The following FARS2 variants were observed in gnomAD, a reference collection of about 807,000 sequenced individuals.
The protein encoded by FARS2 is phenylalanine--tRNA ligase, mitochondrial.
Under a neutral mutation model 46.4 loss-of-function variants are expected in FARS2, and 40 were observed. That is an observed-to-expected ratio of 0.86 (90% CI 0.67 to 1.12). FARS2 has a LOEUF of 1.12. FARS2 is among the 50% of genes most tolerant of loss of function. The pLI is 0.00. For synonymous variants in FARS2, 234 were observed against 214.9 expected, an observed-to-expected ratio of 1.09 and a Z score of -0.78; for missense variants, 513 against 567.9, an observed-to-expected ratio of 0.90 and a Z score of 0.98.
chr6:5,549,991 C>G lies in FARS2; in HGVS notation c.1065+4651C>G, dbSNP rs141201298. On this transcript the variant is annotated intron_variant, in intron 5 of 6. Coordinates refer to ENST00000274680, the MANE Select transcript of FARS2 (RefSeq NM_006567.5). ...AATTATCTAAAGCTGGTTTATGTGACACTCTGGGTATGATTCATCCTGGGG... is the reference window on the plus strand; with the variant it reads ...AATTATCTAAAGCTGGTTTATGTGAGACTCTGGGTATGATTCATCCTGGGG... Among the ~76,000 whole-genome samples the G allele has an allele frequency of 7.7e-3, 1,167 of 152,274 alleles. 13 individuals carry two copies. The highest frequency in any genetic ancestry group is 0.027 in the Middle Eastern group (8 of 294).
chr6:5,404,465 T>A (rs1037933740), intron 2 of FARS2, 77 bp from the exon 3 acceptor site: 2 of 969,990 alleles, frequency 2.1e-6, no homozygotes, highest in African/African-American at 3.3e-5. Context: ...CAAAAGATTC[T>A]TAGCAGAATT....
intron 6 of FARS2, among the ~76,000 whole-genome samples, chr6:5,698,303 G>A (rs1468551713): frequency 6.6e-6 from 1 of 152,168 alleles, no homozygotes; most frequent in Non-Finnish European, 1.5e-5. Context: ...AGGGGCTGCA[G>A]GCACGTCACA....
chr6:5,433,883 T>C (rs919319547), intron 4 of FARS2, among the ~76,000 whole-genome samples: 2 of 152,218 alleles, frequency 1.3e-5, no homozygotes, highest in Non-Finnish European at 2.9e-5. Flanking sequence ...TTATGAGGTT[T>C]ATTCACACAG....
chr6:5,545,100 C>T lies in FARS2; in HGVS notation c.905-80C>T. ...GCTGGTAGGCATCTAATTAGTGTCA[C>T]TGATAACTGTCAGGGAGTGGTATGA... On this transcript the variant is annotated intron_variant, in intron 4 of 6. Coordinates refer to ENST00000274680, the MANE Select transcript of FARS2 (RefSeq NM_006567.5). 4.3e-6 allele frequency: 6 copies of T among 1,381,894 alleles called. No individual in the cohort carries two copies. In the South Asian group the frequency reaches 6.5e-5, roughly 15 times the overall value. 85.6% of individuals were successfully genotyped at this position (1,381,894 alleles called of 1,614,324 possible). A position where few individuals can be genotyped will look rare whatever the true frequency, so the allele number is the denominator to read the frequency against.
rs1582758786 is a variant in FARS2, at chr6:5,686,200, C to A, written c.1217+72880C>A. On this transcript the variant is annotated intron_variant, in intron 6 of 6. Coordinates refer to ENST00000274680, the MANE Select transcript of FARS2 (RefSeq NM_006567.5). ...TGATAACAGTCTTTCTTTCTATGAA[C>A]TTTTTTTAATTATTATTATACTTTA... 2.3e-5 allele frequency among the ~76,000 whole-genome samples: 3 copies of A among 127,742 alleles called. No individual in the cohort carries two copies. The East Asian group carries it at 6.2e-4, about 26-fold the overall frequency. The allele number at this position is 127,742 out of a possible 152,430, so 83.8% of individuals were successfully genotyped here.
At chr6:5,707,850 G>A (rs1442876019) in intron 6 of FARS2, among the ~76,000 whole-genome samples, 1 of 152,218 alleles carries the variant, frequency 6.6e-6, no homozygotes, top group Non-Finnish European at 1.5e-5. Flanking sequence ...CCTGCCATCG[G>A]GGCCTCACAG....
At chr6:5,688,507 C>A (rs1392029181) in intron 6 of FARS2, among the ~76,000 whole-genome samples, 2 of 152,018 alleles carry the variant, frequency 1.3e-5, no homozygotes, top group Non-Finnish European at 2.9e-5. Context: ...TTACGTTTAT[C>A]GATTTGCGTA....
intron 6 of FARS2, among the ~76,000 whole-genome samples, chr6:5,619,073 G>A (rs548185261): frequency 1.1e-4 from 16 of 152,298 alleles, no homozygotes; most frequent in African/African-American, 3.9e-4. Context: ...GCAAAATGGG[G>A]TATGAGGAAG....
chr6:5,589,314 A>G (rs1318610682), intron 5 of FARS2, among the ~76,000 whole-genome samples: 4 of 152,208 alleles, frequency 2.6e-5, no homozygotes, highest in African/African-American at 9.7e-5. Context: ...ATTAACAGAA[A>G]GCCCCAAGAC....
chr6:5,449,934 C>T (rs1764390546), intron 4 of FARS2, among the ~76,000 whole-genome samples: 1 of 152,200 alleles, frequency 6.6e-6, no homozygotes, highest in African/African-American at 2.4e-5. Context: ...GATTCCAGGA[C>T]TCCTGAGTAT....
chr6:5,503,721 A>T (rs1316990881), intron 4 of FARS2, among the ~76,000 whole-genome samples: 1 of 152,164 alleles, frequency 6.6e-6, no homozygotes, highest in Non-Finnish European at 1.5e-5. Context: ...ACAGATATTT[A>T]TATCTTTACA....
intron 2 of FARS2, among the ~76,000 whole-genome samples, chr6:5,386,572 G>T (rs1760147009): frequency 6.6e-6 from 1 of 152,152 alleles, no homozygotes; most frequent in African/African-American, 2.4e-5. Flanking sequence ...GAGAACCAGT[G>T]CAGGCTAAGC....
At chr6:5,578,132 C>T (rs1773095526) in intron 5 of FARS2, among the ~76,000 whole-genome samples, 1 of 152,106 alleles carries the variant, frequency 6.6e-6, no homozygotes, top group Non-Finnish European at 1.5e-5. Context: ...TTAATGTTAC[C>T]TGAAATGTGA....
chr6:5,304,113 A>G (rs984604516), intron 1 of FARS2, among the ~76,000 whole-genome samples: 1 of 152,224 alleles, frequency 6.6e-6, no homozygotes, highest in Non-Finnish European at 1.5e-5. Flanking sequence ...TTATAGAGGC[A>G]TCATAGCAGT....
intron 2 of FARS2, among the ~76,000 whole-genome samples, chr6:5,389,371 T>G (rs2127686089): frequency 6.6e-6 from 1 of 152,332 alleles, no homozygotes; most frequent in East Asian, 1.9e-4. Flanking sequence ...TTTATTAAGA[T>G]GCTGGTTGGC....
At chr6:5,698,434 G>A (rs1333270995) in intron 6 of FARS2, among the ~76,000 whole-genome samples, 1 of 152,166 alleles carries the variant, frequency 6.6e-6, no homozygotes, top group East Asian at 1.9e-4. Context: ...CCTCCCACCA[G>A]GCCCCACCTC....
rs536634921 is a variant in FARS2, at chr6:5,686,679, T to G, written c.1217+73359T>G. Among the ~76,000 whole-genome samples, 13 of 152,368 alleles carry G rather than the reference T, an allele frequency of 8.5e-5. No individual in the cohort carries two copies. In the South Asian group the frequency reaches 2.5e-3, roughly 29 times the overall value. ...AATAAACATACATGTGCATGTGTCT[T>G]TATAACAGCATGTTTTATAATCCTT... is the stretch of plus-strand genomic sequence containing the variant. On this transcript the variant is annotated intron_variant, in intron 6 of 6. Coordinates refer to ENST00000274680, the MANE Select transcript of FARS2 (RefSeq NM_006567.5).
At chr6:5,267,751 CAAAA>C (rs71540859) in intron 1 of FARS2, among the ~76,000 whole-genome samples, 4 of 109,320 alleles carry the variant, frequency 3.7e-5, no homozygotes, top group African/African-American at 3.0e-5. Context: ...GAGACTGTCT[CAAAA>C]AAAAAAAAAA....
chr6:5,555,115 A>G (rs944356439), intron 5 of FARS2, among the ~76,000 whole-genome samples: 3 of 152,234 alleles, frequency 2.0e-5, no homozygotes, highest in Middle Eastern at 3.4e-3. Context: ...TTCTCGTGAT[A>G]GTGAGTAAGT....
Sources: gnomAD v4.1 joint callset for allele counts (sites outside exome capture counted in the v4.1 genomes callset) on GRCh38, gnomAD v4.1.1 for gene constraint, MANE v1.5 for transcripts, NCBI Gene and HGNC (gene_info 2026-07-23, HGNC 2026-07-21) for gene names.